UNC13D: variants seen among roughly 807,000 people sequenced by gnomAD.
UNC13D encodes unc-13 homolog D.
UNC13D carries 115 observed loss-of-function variants against 151.7 expected under a neutral mutation model. The ratio of observed to expected loss-of-function variants is 0.76; its 90% CI spans 0.65 to 0.88. The LOEUF is 0.88. Among genes scored for constraint, UNC13D ranks in the 40% least tolerant of loss-of-function variants. UNC13D has a pLI of 0.00. For synonymous variants in UNC13D, 588 were observed against 612.2 expected (o/e 0.96, Z 0.58); for missense variants, 1,369 against 1,438.7 (o/e 0.95, Z 0.78).
In UNC13D at chr17:75,840,914, A is replaced by ATCCCT. The variant is rs779516235; in HGVS notation, c.614+38_614+42dup. 3.1e-6 allele frequency: 5 copies of ATCCCT among 1,613,922 alleles called. No individual in the cohort carries two copies. Among genetic ancestry groups the ATCCCT allele is most frequent in the East Asian group, 4.5e-5 (2 of 44,866 alleles). On this transcript the variant is annotated intron_variant, in intron 7 of 31. Coordinates refer to ENST00000207549, the MANE Select transcript of UNC13D (RefSeq NM_199242.3). This position sits in a 1 kb window ranked among gnomAD's most constrained non-coding sequence, Gnocchi z 4.6. Reference sequence around the variant, plus strand: ...GGAGGTTCCGCCTCTCTCACCCCAGATCCCTTCCCTTCCCATCCCTAGGGG... The same window carrying ATCCCT: ...GGAGGTTCCGCCTCTCTCACCCCAGATCCCTTCCCTTCCCTTCCCATCCCTAGGGG...
In UNC13D at chr17:75,840,088, G is replaced by T; in HGVS notation, c.881C>A (p.Ser294Ter). The T allele has an allele frequency of 6.2e-7, 1 of 1,613,058 alleles. No homozygotes were observed. Among genetic ancestry groups the T allele is most frequent in the Non-Finnish European group, 8.5e-7 (1 of 1,179,870 alleles). ...HKRRATSASR[S>*]QPSYTVHLHL... Reference sequence around the variant, plus strand: ...GAGGTGCACGGTGTAGCTCGGCTGCGAGCGGCTGGCCGAAGTGGCTCTCTG... The same window carrying T: ...GAGGTGCACGGTGTAGCTCGGCTGCTAGCGGCTGGCCGAAGTGGCTCTCTG... The change falls in exon 11 of 32, where the codon TCG becomes TAG. Residue 294 changes from serine (S) to a stop codon, truncating the protein, a stop_gained. Transcript: ENST00000207549. LOFTEE classifies it high-confidence loss of function. This position sits in a 1 kb window ranked among gnomAD's most constrained non-coding sequence, Gnocchi z 4.6.
At position 75,832,160 on chromosome 17, in the gene UNC13D, G is replaced by A. The variant is rs995859693; in HGVS notation, c.2447+806C>T. 2.0e-5 allele frequency: 3 copies of A among 152,192 alleles called. No individual in the cohort carries two copies. The highest frequency in any genetic ancestry group is 2.9e-5 in the Non-Finnish European group (2 of 68,068). The allele number at this position is 152,192 out of a possible 1,614,324, so 9.4% of individuals were successfully genotyped here. A position where few individuals can be genotyped will look rare whatever the true frequency, so the allele number is the denominator to read the frequency against. The stretch of plus-strand genomic sequence containing the variant: ...TATACATGGTTTAAGAAATAAAAAC[G>A]GCCGGGCTCCGAGGGGCCCTGGCTT... On this transcript the variant is annotated intron_variant, in intron 25 of 31. Transcript: ENST00000207549. This position sits in a 1 kb window ranked among gnomAD's most constrained non-coding sequence, Gnocchi z 4.3.
rs2064889254 is a variant in UNC13D at position 75,833,995 on chromosome 17, T to G, written c.2367+80A>C. ...TTTGCCTGGTCTGGGGGACTTATCT[T>G]TGACACCAAGGCCTTCAATGACCCC... On this transcript the variant is annotated intron_variant, in intron 24 of 31. Transcript: ENST00000207549. The surrounding 1 kb of genome is among the most constrained non-coding windows in gnomAD (Gnocchi z 4.0). 1 of 1,571,350 alleles carries G rather than the reference T, an allele frequency of 6.4e-7. No individual in the cohort carries two copies. Among genetic ancestry groups the G allele is most frequent in the Non-Finnish European group, 8.7e-7 (1 of 1,144,238 alleles).
chr17:75,830,798 G>A (rs2064866630), intron 27 of UNC13D, 137 bp from the exon 28 acceptor site: 3 of 1,147,344 alleles, frequency 2.6e-6, no homozygotes, highest in Non-Finnish European at 3.8e-6. Context: ...CAACGGGCTG[G>A]GGCCACCCTC....
chr17:75,828,875 C>T lies in UNC13D; in HGVS notation c.3063G>A (p.Pro1021=), dbSNP rs755709094. ...CACTCAGCCCGGGCACCTCACGCAG[C>T]GGCAGGAAGGCCTCGCCTTCCAGGT... is the stretch of plus-strand genomic sequence containing the variant. ...ADDLEGEAFL[P]LREVPGLSGS... Residue 1021 remains proline, a synonymous_variant, in exon 31 of 32, where the codon CCG becomes CCA. Transcript: ENST00000207549. The T allele has an allele frequency of 1.6e-5, 26 of 1,601,486 alleles. No homozygotes were observed. The highest frequency in any genetic ancestry group is 9.0e-5 in the East Asian group (4 of 44,592).
At chr17:75,829,060 G>A in intron 30 of UNC13D, 77 bp from the exon 31 acceptor site, 1 of 1,536,028 alleles carries the variant, frequency 6.5e-7, no homozygotes, top group Non-Finnish European at 8.7e-7. Flanking sequence ...CACCCACTTG[G>A]TGTTGGGAAC....
In UNC13D at chr17:75,830,665, G is replaced by A. The variant is rs201433343; in HGVS notation, c.2626-4C>T. ...GCTCCAGGTCCCTCTGCAGAGCCTG[G>A]GAACACATACAGCTGAGGATCCACC... On this transcript the variant is annotated splice_region_variant and splice_polypyrimidine_tract_variant and intron_variant, in intron 27 of 31. Transcript: ENST00000207549. 5 of 1,553,238 alleles carry A rather than the reference G, an allele frequency of 3.2e-6. No individual in the cohort carries two copies. The African/African-American group carries it at 4.1e-5, about 13-fold the overall frequency.
chr17:75,844,139 T>G (rs1599416434), intron 1 of UNC13D, 82 bp downstream of exon 1: 2 of 1,557,852 alleles, frequency 1.3e-6, no homozygotes, highest in Non-Finnish European at 1.7e-6. Flanking sequence ...CTTCGAGAGG[T>G]GGGGCCAGAC....
chr17:75,839,728 G>C, intron 12 of UNC13D, 111 bp downstream of exon 12: 1 of 1,184,052 alleles, frequency 8.4e-7, no homozygotes, highest in Admixed American at 1.8e-5. Context: ...CACACATTTT[G>C]GGCCAAAGGG....
rs201772566 is a variant in UNC13D at position 75,835,985 on chromosome 17, T to C, written c.1544+27A>G. 5.4e-4 allele frequency: 872 copies of C among 1,614,144 alleles called. 3 individuals are homozygous for C. In the African/African-American group the frequency reaches 8.6e-3, roughly 16 times the overall value. On this transcript the variant is annotated intron_variant, in intron 17 of 31. Coordinates refer to ENST00000207549, the MANE Select transcript of UNC13D (RefSeq NM_199242.3). ...TTCCGGCTCTGAGGCAATGCCCCAC[T>C]ACCTCCCGACCTGGCTATCTGCTCA...
chr17:75,842,968 C>A, intron 4 of UNC13D, 45 bp from the exon 5 acceptor site: 4 of 1,612,880 alleles, frequency 2.5e-6, no homozygotes, highest in Middle Eastern at 1.7e-4. Context: ...GGGGGCTGGG[C>A]TTCCCAGGCC....
chr17:75,844,103 G>A, intron 1 of UNC13D, 118 bp downstream of exon 1: 1 of 1,516,718 alleles, frequency 6.6e-7, no homozygotes, highest in Non-Finnish European at 9.0e-7. Flanking sequence ...GTAGGCAGGG[G>A]AGGGTCGCTG....
In UNC13D at chr17:75,828,828, A is replaced by G; in HGVS notation, c.3110T>C (p.Val1037Ala). 1 of 1,567,550 alleles carries G rather than the reference A, an allele frequency of 6.4e-7. No homozygotes were observed. The highest frequency in any genetic ancestry group is 8.6e-7 in the Non-Finnish European group (1 of 1,159,056). ...CGTGAGGGGCAGGCGGGTCTGAGGCACCTCACCAGGCTCCTCAGAGCCACT... is the reference window on the plus strand; with the variant it reads ...CGTGAGGGGCAGGCGGGTCTGAGGCGCCTCACCAGGCTCCTCAGAGCCACT... ...GLSGSEEPGEVPQTRLPLTYP... is the reference protein window; with the variant it reads ...GLSGSEEPGEAPQTRLPLTYP... The change falls in exon 31 of 32, where the codon GTG becomes GCG. Residue 1037 changes from valine (V) to alanine (A), a missense_variant. Transcript: ENST00000207549.
In UNC13D at chr17:75,831,303, C is replaced by G. The variant is rs1272455598; in HGVS notation, c.2493G>C (p.Glu831Asp). 3 of 1,613,552 alleles carry G rather than the reference C, an allele frequency of 1.9e-6. No homozygotes were observed. The highest frequency in any genetic ancestry group is 2.7e-5 in the African/African-American group (2 of 74,936). The change falls in exon 26 of 32, where the codon GAG (glutamate) becomes GAC (aspartate). Residue 831 changes from glutamate (E) to aspartate (D), a missense_variant. Coordinates refer to ENST00000207549, the MANE Select transcript of UNC13D (RefSeq NM_199242.3). ...ATGAGCTGCGCTGGGAGGCGGCCGC[C>G]TCCACCAGCACTGTGAGTGTGTGGG... ...LWTHTLTVLV[E>D]AAASQRSSSL...
rs538837305 is a variant in UNC13D at position 75,835,367 on chromosome 17, C to T, written c.1848+42G>A. 4.4e-6 allele frequency: 7 copies of T among 1,603,092 alleles called. No homozygotes were observed. The African/African-American group carries it at 6.7e-5, about 15-fold the overall frequency. On this transcript the variant is annotated intron_variant, in intron 20 of 31. Coordinates refer to ENST00000207549, the MANE Select transcript of UNC13D (RefSeq NM_199242.3). ...GTCCAGGCAGAACCCAAGCCTCACCCCCAAACCGGGGCCCCGCCCCCTGCC... is the reference window on the plus strand; with the variant it reads ...GTCCAGGCAGAACCCAAGCCTCACCTCCAAACCGGGGCCCCGCCCCCTGCC...
At chr17:75,835,317 T>A (rs766184280) in intron 20 of UNC13D, 92 bp downstream of exon 20, 7 of 1,522,490 alleles carry the variant, frequency 4.6e-6, no homozygotes, top group Middle Eastern at 2.3e-4. Flanking sequence ...CAGAGCGGGT[T>A]ACTGGCTTTT....
At chr17:75,839,746 C>A in intron 12 of UNC13D, 93 bp downstream of exon 12, 1 of 1,358,906 alleles carries the variant, frequency 7.4e-7, no homozygotes, top group Admixed American at 1.7e-5. Flanking sequence ...GGGAACTCTG[C>A]TGAGAATTAC....
chr17:75,838,261 C>T (rs930931255), intron 12 of UNC13D, among the ~76,000 whole-genome samples: 6 of 151,532 alleles, frequency 4.0e-5, no homozygotes, highest in African/African-American at 1.2e-4. Context: ...CTGTGTCGCC[C>T]AGGCTGGAGT....
intron 21 of UNC13D, 60 bp from the exon 22 acceptor site, chr17:75,834,776 T>A: frequency 3.7e-6 from 6 of 1,606,314 alleles, no homozygotes; most frequent in Non-Finnish European, 5.1e-6. Flanking sequence ...GAAGGGCAGG[T>A]GGGAGGGCAT....
Sources: gnomAD v4.1 joint callset for allele counts (sites outside exome capture counted in the v4.1 genomes callset) on GRCh38, gnomAD v4.1.1 for gene constraint, Gnocchi (gnomAD v3.1) non-coding constraint, MANE v1.5 for transcripts, NCBI Gene and HGNC (gene_info 2026-07-23, HGNC 2026-07-21) for gene names.